Variants in TSBP1 observed in about 807,000 individuals in gnomAD.
TSBP1 encodes the protein testis expressed basic protein 1.
TSBP1 carries 56 observed loss-of-function variants against 68.8 expected under a neutral mutation model. The observed-to-expected ratio is 0.81, with a 90% CI of 0.66 to 1.02. TSBP1 has a LOEUF of 1.02. Ranked by LOEUF, TSBP1 falls within the 50% of genes least tolerant of loss-of-function variation. The pLI is 0.00. For missense variants in TSBP1, 502 were observed against 641.2 expected (o/e 0.78, Z 2.34); for synonymous variants, 171 against 208.7 (o/e 0.82, Z 1.56).
At chr6:32,349,245 C>T (rs886697252) in intron 9 of TSBP1, among the ~76,000 whole-genome samples, 8 of 149,538 alleles carry the variant, frequency 5.3e-5, no homozygotes, top group Non-Finnish European at 8.9e-5. Context: ...GTATCAGAAC[C>T]AGGAACGCCT....
At chr6:32,370,429 A>G (rs868457369) in intron 1 of TSBP1, among the ~76,000 whole-genome samples, 44 of 118,568 alleles carry the variant, frequency 3.7e-4, no homozygotes, top group Non-Finnish European at 4.9e-4. Context: ...ATATATATAT[A>G]TATATATATA....
chr6:32,323,860 C>G, intron 16 of TSBP1: 1 of 542,396 alleles, frequency 1.8e-6, no homozygotes, highest in Non-Finnish European at 3.3e-6. Flanking sequence ...GAAATCTTAG[C>G]TGTACCAGGG....
At chr6:32,313,089 A>T (rs1188069486) in intron 19 of TSBP1, among the ~76,000 whole-genome samples, 1 of 152,130 alleles carries the variant, frequency 6.6e-6, no homozygotes, top group Non-Finnish European at 1.5e-5. Flanking sequence ...CTCTGGCCCT[A>T]CCTCCTGCTC....
At position 32,343,064 on chromosome 6, in the gene TSBP1, G is replaced by C. The variant is rs1029602428; in HGVS notation, c.350-3426C>G. On this transcript the variant is annotated intron_variant, in intron 9 of 22. Coordinates refer to ENST00000612031, the Ensembl canonical transcript of TSBP1. This position sits in a 1 kb window ranked among gnomAD's most constrained non-coding sequence, Gnocchi z 4.3. ...CTTAGAGAGGGGGAAATGTGAGAAAGGTGGGCATGATCCAGTTAAGATGGC... is the reference window on the plus strand; with the variant it reads ...CTTAGAGAGGGGGAAATGTGAGAAACGTGGGCATGATCCAGTTAAGATGGC... Among the ~76,000 whole-genome samples the C allele has an allele frequency of 6.6e-6, 1 of 152,148 alleles. No homozygotes were observed. The highest frequency in any genetic ancestry group is 2.4e-5 in the African/African-American group (1 of 41,414).
chr6:32,293,416 C>A (rs1764363534), exon 23 of TSBP1: 1 of 1,612,712 alleles, frequency 6.2e-7, no homozygotes. Flanking sequence ...CTTTTGGTAC[C>A]TTCAACTCAC....
chr6:32,293,197 A>G, exon 23 of TSBP1: 1 of 1,610,134 alleles, frequency 6.2e-7, no homozygotes, highest in Non-Finnish European at 8.5e-7. Context: ...TATCCTCAAA[A>G]CTCTCCTTCT....
rs569294130 is a variant in TSBP1 at position 32,323,011 on chromosome 6, G to A, written c.559+106C>T. 1.8e-5 allele frequency: 15 copies of A among 811,676 alleles called. No homozygotes were observed. The East Asian group carries it at 3.0e-4, about 16-fold the overall frequency. The allele number at this position is 811,676 out of a possible 1,614,324, so 50.3% of individuals were successfully genotyped here. ...TTTAAAAAAATTATAGGGCAAGCAG[G>A]GTAATAAGGAAGCAAGAGAAGAATG... On this transcript the variant is annotated intron_variant, in intron 18 of 22. Coordinates refer to ENST00000612031, the Ensembl canonical transcript of TSBP1.
At chr6:32,309,873 T>A (rs188601143) in intron 19 of TSBP1, among the ~76,000 whole-genome samples, 1 of 152,342 alleles carries the variant, frequency 6.6e-6, no homozygotes, top group Admixed American at 6.5e-5. Flanking sequence ...TTGTACCTAT[T>A]AACCATTCCC....
intron 17 of TSBP1, chr6:32,323,366 A>G (rs2127590118): frequency 4.3e-6 from 3 of 699,154 alleles, no homozygotes; most frequent in Non-Finnish European, 7.9e-6. Flanking sequence ...AAGCACTTAA[A>G]TAGTTCTAGA....
intron 22 of TSBP1, among the ~76,000 whole-genome samples, chr6:32,298,560 C>T (rs141237330): frequency 1.3e-5 from 2 of 151,574 alleles, no homozygotes; most frequent in African/African-American, 4.8e-5. Context: ...GCTTGGGCGA[C>T]AAGAACGAAA....
chr6:32,326,297 A>G, intron 16 of TSBP1: 1 of 689,822 alleles, frequency 1.4e-6, no homozygotes, highest in South Asian at 1.5e-5. Flanking sequence ...TGGTACAAAG[A>G]AGACATGTTT....
chr6:32,325,557 G>A lies in TSBP1; in HGVS notation c.515-1943C>T. On this transcript the variant is annotated intron_variant, in intron 16 of 22. Transcript: ENST00000612031. This position sits in a 1 kb window ranked among gnomAD's most constrained non-coding sequence, Gnocchi z 4.4. ...AAAGATATATGCTGGTGGCATTAAA[G>A]AAGACACTGAAGAAATCACCTAAGA... 1 of 856,890 alleles carries A rather than the reference G, an allele frequency of 1.2e-6. No individual in the cohort carries two copies. Among genetic ancestry groups the A allele is most frequent in the Non-Finnish European group, 2.0e-6 (1 of 505,148 alleles). The allele number at this position is 856,890 out of a possible 1,614,324, so 53.1% of individuals were successfully genotyped here.
chr6:32,367,063 G>GTGTGTGTGTGTGTT (rs1211382981), intron 4 of TSBP1, among the ~76,000 whole-genome samples: 1 of 151,946 alleles, frequency 6.6e-6, no homozygotes, highest in African/African-American at 2.4e-5. Flanking sequence ...GTGTGTGTGT[G>GTGTGTGTGTGTGTT]TGTGTGTGTG....
chr6:32,336,621 G>GGGC lies in TSBP1; in HGVS notation c.421_423dup (p.Ala141dup). On this transcript the variant is annotated inframe_insertion, in exon 12 of 23. Coordinates refer to ENST00000612031, the Ensembl canonical transcript of TSBP1. This position sits in a 1 kb window ranked among gnomAD's most constrained non-coding sequence, Gnocchi z 5.2. ...AAACAAACTTGATACTTACGAATAGGGGCTGTGAATTGCACTGAAATACAA... is the reference window on the plus strand; with the variant it reads ...AAACAAACTTGATACTTACGAATAGGGGCGGCTGTGAATTGCACTGAAATACAA... The GGGC allele has an allele frequency of 6.2e-7, 1 of 1,612,290 alleles. No homozygotes were observed. The highest frequency in any genetic ancestry group is 1.3e-5 in the African/African-American group (1 of 75,032).
intron 16 of TSBP1, among the ~76,000 whole-genome samples, chr6:32,327,917 A>G (rs6913605): frequency 0.33 from 50,300 of 150,316 alleles, 9,483 homozygotes; most frequent in Middle Eastern, 0.52. Context: ...TCAGCCTCCC[A>G]AGTACCTGGA....
At chr6:32,323,016 T>C in intron 18 of TSBP1, 101 bp downstream of exon 19, 1 of 865,640 alleles carries the variant, frequency 1.2e-6, no homozygotes. Context: ...AGCAGGGTAA[T>C]AAGGAAGCAA....
At chr6:32,295,842 C>CTTTTTT in intron 22 of TSBP1, among the ~76,000 whole-genome samples, 1 of 125,294 alleles carries the variant, frequency 8.0e-6, no homozygotes. Flanking sequence ...AGGAAAATTT[C>CTTTTTT]TTTTTTTTTT....
chr6:32,364,342 T>A (rs1370819020), intron 6 of TSBP1, among the ~76,000 whole-genome samples: 1 of 151,952 alleles, frequency 6.6e-6, no homozygotes, highest in Non-Finnish European at 1.5e-5. Context: ...GAGACTCCAA[T>A]AATGCAAAAA....
intron 19 of TSBP1, among the ~76,000 whole-genome samples, chr6:32,308,153 A>T (rs1278308218): frequency 1.3e-5 from 2 of 152,066 alleles, no homozygotes; most frequent in African/African-American, 4.8e-5. Context: ...TTCTTAATAG[A>T]GTTTAGCTAT....
Sources: gnomAD v4.1 joint callset for allele counts (sites outside exome capture counted in the v4.1 genomes callset) on GRCh38, gnomAD v4.1.1 for gene constraint, Gnocchi (gnomAD v3.1) non-coding constraint, MANE v1.5 for transcripts, NCBI Gene and HGNC (gene_info 2026-07-23, HGNC 2026-07-21) for gene names.